Variants in USP49 observed in about 807,000 individuals in gnomAD.
USP49 encodes the protein ubiquitin carboxyl-terminal hydrolase 49.
USP49 carries 24 observed loss-of-function variants against 58.6 expected under a neutral mutation model. That is an observed-to-expected ratio of 0.41 (90% CI 0.30 to 0.58). USP49 has a LOEUF of 0.58. Among genes scored for constraint, USP49 ranks in the 20% least tolerant of loss-of-function variants. The pLI, the probability that USP49 is intolerant of heterozygous loss-of-function variation, is 0.30. For missense variants in USP49, 703 were observed against 866.1 expected, an observed-to-expected ratio of 0.81 and a Z score of 2.36; for synonymous variants, 408 against 365.1, an observed-to-expected ratio of 1.12 and a Z score of -1.34.
At position 41,797,539 on chromosome 6, in the gene USP49, A is replaced by G. The variant is rs1374124672; in HGVS notation, c.1877-816T>C. The G allele has an allele frequency of 3.8e-6, 3 of 783,884 alleles. No individual in the cohort carries two copies. The East Asian group carries it at 3.8e-4, about 100-fold the overall frequency. 48.6% of individuals were successfully genotyped at this position (783,884 alleles called of 1,614,324 possible). On this transcript the variant is annotated intron_variant, in intron 7 of 7. Coordinates refer to ENST00000682992, the MANE Select transcript of USP49 (RefSeq NM_001286554.2). ...GCCCATCAGTCAGTGCAGTAGCTGG[A>G]AGACTCCACTCTGGAGGATGAGGAC...
chr6:41,830,765 G>C (rs775984829), intron 3 of USP49, among the ~76,000 whole-genome samples: 1 of 152,014 alleles, frequency 6.6e-6, no homozygotes, highest in Non-Finnish European at 1.5e-5. Flanking sequence ...GGCGGTTGCA[G>C]TGAGCCAAGA....
At chr6:41,818,202 A>G (rs1194159853) in intron 3 of USP49, among the ~76,000 whole-genome samples, 4 of 152,188 alleles carry the variant, frequency 2.6e-5, no homozygotes, top group African/African-American at 7.2e-5. Context: ...TTGATTAATT[A>G]ACTTAATATT....
chr6:41,854,316 CAAAAAA>C (rs565189473), intron 3 of USP49, among the ~76,000 whole-genome samples: 4 of 91,080 alleles, frequency 4.4e-5, no homozygotes, highest in Admixed American at 2.5e-4. Flanking sequence ...GACTCTGTCT[CAAAAAA>C]AAAAAAAAAA....
chr6:41,885,806 A>G (rs925617154), intron 2 of USP49, among the ~76,000 whole-genome samples: 2 of 152,024 alleles, frequency 1.3e-5, no homozygotes, highest in Non-Finnish European at 2.9e-5. Flanking sequence ...AGGAAAAAAA[A>G]AGAGAGAGTC....
At chr6:41,857,389 A>G (rs1774148864) in intron 3 of USP49, among the ~76,000 whole-genome samples, 1 of 152,216 alleles carries the variant, frequency 6.6e-6, no homozygotes, top group Non-Finnish European at 1.5e-5. Flanking sequence ...TCATGCCTAT[A>G]ATCCCAGCAC....
At chr6:41,797,837 CTGAA>C in intron 7 of USP49, 1 of 982,408 alleles carries the variant, frequency 1.0e-6, no homozygotes, top group Non-Finnish European at 1.2e-6. Flanking sequence ...CTAACACTGA[CTGAA>C]TAAGTACTAT....
intron 3 of USP49, among the ~76,000 whole-genome samples, chr6:41,852,542 G>A (rs964227244): frequency 2.6e-5 from 4 of 152,118 alleles, no homozygotes; most frequent in East Asian, 1.9e-4. Context: ...AGACTTGGAC[G>A]ATGAAGACTA....
intron 6 of USP49, among the ~76,000 whole-genome samples, chr6:41,799,601 C>T (rs1178319860): frequency 6.6e-6 from 1 of 152,196 alleles, no homozygotes; most frequent in East Asian, 1.9e-4. Context: ...CCAGTGCAGG[C>T]TGGATAATTA....
At chr6:41,819,530 T>C (rs1342964618) in intron 3 of USP49, among the ~76,000 whole-genome samples, 1 of 152,226 alleles carries the variant, frequency 6.6e-6, no homozygotes, top group African/African-American at 2.4e-5. Flanking sequence ...TCTTGAATTG[T>C]ACCCTTGACA....
chr6:41,889,953 C>T (rs1887718), intron 2 of USP49, among the ~76,000 whole-genome samples: 74,235 of 151,982 alleles, frequency 0.49, 18,227 homozygotes, highest in Middle Eastern at 0.51. Flanking sequence ...GTTTAAAAAA[C>T]TGCAATAAAA....
intron 3 of USP49, among the ~76,000 whole-genome samples, chr6:41,853,654 T>A (rs1333281611): frequency 6.6e-6 from 1 of 152,144 alleles, no homozygotes; most frequent in African/African-American, 2.4e-5. Flanking sequence ...AGAACCTGGA[T>A]AGGTAAGGCC....
chr6:41,874,550 ACAG>A (rs1774469777), intron 2 of USP49, among the ~76,000 whole-genome samples: 1 of 152,174 alleles, frequency 6.6e-6, no homozygotes, highest in Non-Finnish European at 1.5e-5. Context: ...AATCCTCACA[ACAG>A]CTGTGAGGTA....
rs568156723 is a variant in USP49, at chr6:41,861,028, C to G, written c.-29+10536G>C. ...CCTGTAATCCCAGCTACTCGGGAGG[C>G]TGAGGCAGGAGAATTGCTTGAACCA... On this transcript the variant is annotated intron_variant, in intron 3 of 7. Transcript: ENST00000682992. 1.2e-3 allele frequency among the ~76,000 whole-genome samples: 184 copies of G among 152,206 alleles called. 2 individuals carry two copies. Among genetic ancestry groups the G allele is most frequent in the African/African-American group, 4.3e-3 (178 of 41,550 alleles).
Position 41,799,920 on chromosome 6 carries a change from T to A in USP49, c.1580A>T (p.Asn527Ile). 6.2e-7 allele frequency: 1 copy of A among 1,614,070 alleles called. No homozygotes were observed. Among genetic ancestry groups the A allele is most frequent in the African/African-American group, 1.3e-5 (1 of 75,044 alleles). The change falls in exon 6 of 8, where the codon AAT (asparagine) becomes ATT (isoleucine). Residue 527 changes from asparagine to isoleucine, a missense_variant. Physicochemically the swap from Asn to Ile is moderately radical, Grantham distance 149. Around this residue, in one of 6 missense-constraint regions of USP49, gnomAD observed 158 missense variants for 241.2 expected, o/e 0.66. Coordinates refer to ENST00000682992, the MANE Select transcript of USP49 (RefSeq NM_001286554.2). ...TTCACTCAGAACAAGGGGTTTGGGA[T>A]TGGATTTTCGTCGTTTGCCTATGTG... ...DQCNSKRRKSNPKPLVLSEAR... is the reference protein window; with the variant it reads ...DQCNSKRRKSIPKPLVLSEAR...
intron 3 of USP49, among the ~76,000 whole-genome samples, chr6:41,809,226 T>TA (rs147542602): frequency 0.52 from 72,799 of 138,704 alleles, 18,371 homozygotes; most frequent in Admixed American, 0.61. Context: ...TCTTTAAAAT[T>TA]AAAAAAAAAA....
At chr6:41,894,764 AT>A (rs1328576754) in intron 1 of USP49, among the ~76,000 whole-genome samples, 2 of 150,482 alleles carry the variant, frequency 1.3e-5, no homozygotes, top group Non-Finnish European at 3.0e-5. Context: ...CCCTAACCTC[AT>A]TCCCTGCCCG....
intron 3 of USP49, among the ~76,000 whole-genome samples, chr6:41,867,320 C>T (rs1396941143): frequency 1.3e-5 from 2 of 152,198 alleles, no homozygotes; most frequent in East Asian, 3.8e-4. Context: ...TATTATTTAA[C>T]AGGATGAAAG....
chr6:41,882,857 G>A (rs555092365), intron 2 of USP49, among the ~76,000 whole-genome samples: 6 of 151,522 alleles, frequency 4.0e-5, no homozygotes, highest in Admixed American at 6.6e-5. Context: ...CAGAGGTTGC[G>A]GTAAGCTGAG....
chr6:41,830,691 G>T (rs1189068078), intron 3 of USP49, among the ~76,000 whole-genome samples: 2 of 151,960 alleles, frequency 1.3e-5, no homozygotes, highest in African/African-American at 2.4e-5. Flanking sequence ...GCTGGGCATG[G>T]TGGTGCATAC....
Sources: allele counts gnomAD v4.1 joint callset (sites outside exome capture counted in the v4.1 genomes callset), GRCh38; gene constraint gnomAD v4.1.1; regional missense constraint gnomAD v4.1.1; transcripts MANE v1.5; gene names NCBI Gene and HGNC (gene_info 2026-07-23, HGNC 2026-07-21).